The following SRPK1 variants were observed in gnomAD, a reference collection of about 807,000 sequenced individuals.
The protein encoded by SRPK1 is SRSF protein kinase 1.
Under a neutral mutation model 89.5 loss-of-function variants are expected in SRPK1, and 52 were observed. The ratio of observed to expected loss-of-function variants is 0.58; its 90% CI spans 0.46 to 0.73. The LOEUF (loss-of-function observed/expected upper bound fraction) is 0.73. Ranked by LOEUF, SRPK1 falls within the 30% of genes least tolerant of loss-of-function variation. The probability of loss-of-function intolerance (pLI) is 0.00; values close to 1 mark genes in which losing one functional copy is unlikely to be tolerated. For missense variants in SRPK1, 603 were observed against 780.6 expected, an observed-to-expected ratio of 0.77 and a Z score of 2.71; for synonymous variants, 255 against 270.2, an observed-to-expected ratio of 0.94 and a Z score of 0.55.
At chr6:35,913,404 G>C (rs1442512050) in intron 2 of SRPK1, among the ~76,000 whole-genome samples, 3 of 152,106 alleles carry the variant, frequency 2.0e-5, no homozygotes, top group African/African-American at 7.2e-5. Context: ...GAATTCACTT[G>C]AATCACTCCA....
chr6:35,842,647 G>A (rs760275285), intron 13 of SRPK1, 43 bp from the exon 14 acceptor site: 8 of 1,491,834 alleles, frequency 5.4e-6, no homozygotes, highest in South Asian at 1.4e-5. Context: ...CAAAAGAAAA[G>A]AAGGCCTTTG....
intron 13 of SRPK1, among the ~76,000 whole-genome samples, chr6:35,855,561 T>G (rs1443901347): frequency 6.6e-6 from 1 of 152,130 alleles, no homozygotes; most frequent in Non-Finnish European, 1.5e-5. Flanking sequence ...ATTCATTAGG[T>G]AGTATACAAA....
At chr6:35,865,084 T>C (rs994373717) in intron 12 of SRPK1, among the ~76,000 whole-genome samples, 2 of 152,082 alleles carry the variant, frequency 1.3e-5, no homozygotes, top group Non-Finnish European at 2.9e-5. Flanking sequence ...TTAATGGGTA[T>C]AAAAAAATTA....
At chr6:35,901,945 C>G (rs998900183) in intron 2 of SRPK1, among the ~76,000 whole-genome samples, 1 of 151,982 alleles carries the variant, frequency 6.6e-6, no homozygotes, top group Non-Finnish European at 1.5e-5. Flanking sequence ...AATCTGAGTG[C>G]CTAAGTTTAT....
At chr6:35,877,004 G>T (rs1262991031) in intron 6 of SRPK1, among the ~76,000 whole-genome samples, 1 of 152,148 alleles carries the variant, frequency 6.6e-6, no homozygotes, top group Non-Finnish European at 1.5e-5. Context: ...GAGGGGGCCC[G>T]CCCCTTCAAG....
intron 11 of SRPK1, 144 bp downstream of exon 11, chr6:35,869,338 T>C (rs943681190): frequency 4.8e-6 from 5 of 1,050,410 alleles, no homozygotes; most frequent in Non-Finnish European, 5.6e-6. Flanking sequence ...ATGGATAAAG[T>C]TAGCTACAGA....
chr6:35,911,405 GCTT>G (rs1770956624), intron 2 of SRPK1, among the ~76,000 whole-genome samples: 1 of 151,964 alleles, frequency 6.6e-6, no homozygotes, highest in Non-Finnish European at 1.5e-5. Context: ...ATGAGGAGCT[GCTT>G]CTTATGATGA....
intron 2 of SRPK1, among the ~76,000 whole-genome samples, chr6:35,898,505 T>C (rs1406234626): frequency 6.6e-6 from 1 of 152,232 alleles, no homozygotes. Flanking sequence ...AAACCACCTG[T>C]ACCCCAAAAC....
intron 4 of SRPK1, among the ~76,000 whole-genome samples, chr6:35,888,458 T>C (rs1770453994): frequency 6.6e-6 from 1 of 152,162 alleles, no homozygotes; most frequent in African/African-American, 2.4e-5. Context: ...TGTGTATATA[T>C]CTGTATATAG....
intron 15 of SRPK1, among the ~76,000 whole-genome samples, chr6:35,836,924 A>G (rs1352965395): frequency 6.6e-6 from 1 of 152,056 alleles, no homozygotes; most frequent in East Asian, 1.9e-4. Flanking sequence ...CAATTTTCCC[A>G]CCTAAAAAGA....
intron 6 of SRPK1, among the ~76,000 whole-genome samples, chr6:35,884,728 C>T (rs1336235117): frequency 2.0e-5 from 3 of 152,134 alleles, no homozygotes; most frequent in Admixed American, 6.5e-5. Context: ...GGGCCGGGCA[C>T]GGTGGCTCAC....
At position 35,874,857 on chromosome 6, in the gene SRPK1, C is replaced by T. The variant is rs147390336; in HGVS notation, c.479-518G>A. On this transcript the variant is annotated intron_variant, in intron 6 of 15. Transcript: ENST00000373825. ...CATTTTTTTTTAAATAGGAAACTTGCTTAATGCTCTGTATTTTACAAAACT... is the reference window on the plus strand; with the variant it reads ...CATTTTTTTTTAAATAGGAAACTTGTTTAATGCTCTGTATTTTACAAAACT... Among the ~76,000 whole-genome samples, 702 of 152,160 alleles carry T rather than the reference C, an allele frequency of 4.6e-3. 6 individuals are homozygous for T. The highest frequency in any genetic ancestry group is 0.016 in the African/African-American group (652 of 41,488).
chr6:35,873,717 T>C (rs1435171644), intron 7 of SRPK1, among the ~76,000 whole-genome samples: 1 of 152,164 alleles, frequency 6.6e-6, no homozygotes, highest in Non-Finnish European at 1.5e-5. Flanking sequence ...CTCGAGCTCC[T>C]GACCTCAGGT....
At chr6:35,855,386 T>C (rs1324914510) in intron 13 of SRPK1, among the ~76,000 whole-genome samples, 1 of 151,842 alleles carries the variant, frequency 6.6e-6, no homozygotes, top group Non-Finnish European at 1.5e-5. Flanking sequence ...CATGATATCA[T>C]CTCTATTAGC....
intron 3 of SRPK1, among the ~76,000 whole-genome samples, chr6:35,890,573 C>T (rs1040519254): frequency 6.6e-6 from 1 of 152,168 alleles, no homozygotes; most frequent in Non-Finnish European, 1.5e-5. Context: ...AATCTATATG[C>T]CAAAATGTTA....
chr6:35,915,477 T>C (rs1307950179), intron 2 of SRPK1, among the ~76,000 whole-genome samples: 1 of 151,290 alleles, frequency 6.6e-6, no homozygotes, highest in Non-Finnish European at 1.5e-5. Flanking sequence ...ATATTTTAAA[T>C]GTATATACCA....
At chr6:35,891,956 G>GA (rs1013829490) in intron 2 of SRPK1, among the ~76,000 whole-genome samples, 66 of 152,086 alleles carry the variant, frequency 4.3e-4, no homozygotes, top group Non-Finnish European at 6.3e-4. Flanking sequence ...GTTAAATGTG[G>GA]AAAATTTGGA....
rs565861931 is a variant in SRPK1, at chr6:35,890,840, G to A, written c.193+55C>T. 392 of 1,457,978 alleles carry A rather than the reference G, an allele frequency of 2.7e-4. 3 individuals are homozygous for A. In the African/African-American group the frequency reaches 5.3e-3, roughly 20 times the overall value. The allele number at this position is 1,457,978 out of a possible 1,614,324, so 90.3% of individuals were successfully genotyped here. A position where few individuals can be genotyped will look rare whatever the true frequency, so the allele number is the denominator to read the frequency against. ...ATGCTGATAGATCAAACATCCAAAC[G>A]AGAAATTGCAAATAGATGGCTCATG... On this transcript the variant is annotated intron_variant, in intron 3 of 15. Transcript: ENST00000373825.
chr6:35,913,899 TA>T (rs1457763329), intron 2 of SRPK1, among the ~76,000 whole-genome samples: 2 of 149,788 alleles, frequency 1.3e-5, no homozygotes, highest in Admixed American at 1.3e-4. Context: ...AAGCACACTA[TA>T]AGTGACATCT....
Sources: allele counts gnomAD v4.1 joint callset (sites outside exome capture counted in the v4.1 genomes callset), GRCh38; gene constraint gnomAD v4.1.1; transcripts MANE v1.5; gene names NCBI Gene and HGNC (gene_info 2026-07-23, HGNC 2026-07-21).